MGAT4C: variants seen among roughly 807,000 people sequenced by gnomAD.
The protein encoded by MGAT4C is alpha-1,3-mannosyl-glycoprotein 4-beta-N-acetylglucosaminyltransferase C.
Under a neutral mutation model 40.1 loss-of-function variants are expected in MGAT4C, and 19 were observed. The observed-to-expected ratio is 0.47, with a 90% CI of 0.33 to 0.70. The LOEUF is 0.70. Ranked by LOEUF, MGAT4C falls within the 30% of genes least tolerant of loss-of-function variation. The pLI is 0.02. For missense variants in MGAT4C, 491 were observed against 563.2 expected (o/e 0.87, Z 1.30); for synonymous variants, 181 against 187.1 (o/e 0.97, Z 0.27).
intron 2 of MGAT4C, among the ~76,000 whole-genome samples, chr12:86,716,287 A>C (rs1950643994): frequency 6.6e-6 from 1 of 152,148 alleles, no homozygotes. Context: ...CATAAAAATT[A>C]AGAAATAAAC....
At chr12:86,005,967 A>T (rs978808730) in intron 2 of MGAT4C, among the ~76,000 whole-genome samples, 1 of 152,138 alleles carries the variant, frequency 6.6e-6, no homozygotes, top group Non-Finnish European at 1.5e-5. Flanking sequence ...CGATTATTCT[A>T]GCTTTTTTCC....
At chr12:86,826,990 A>G (rs1282165693) in intron 1 of MGAT4C, among the ~76,000 whole-genome samples, 1 of 151,524 alleles carries the variant, frequency 6.6e-6, no homozygotes, top group East Asian at 1.9e-4. Context: ...AACATAACAG[A>G]AATAACATGG....
chr12:86,259,178 A>AT (rs942531605), upstream of MGAT4C, among the ~76,000 whole-genome samples: 11 of 151,962 alleles, frequency 7.2e-5, no homozygotes, highest in South Asian at 2.1e-4. Flanking sequence ...AATTTATAAA[A>AT]TTTTTTTGTG....
At chr12:86,398,161 G>A (rs1314304281) in intron 3 of MGAT4C, among the ~76,000 whole-genome samples, 1 of 152,174 alleles carries the variant, frequency 6.6e-6, no homozygotes, top group African/African-American at 2.4e-5. Context: ...TGACAGTGCT[G>A]GAAGCCAGAA....
At chr12:86,513,109 C>T (rs1394151630) in intron 2 of MGAT4C, among the ~76,000 whole-genome samples, 1 of 151,940 alleles carries the variant, frequency 6.6e-6, no homozygotes, top group Admixed American at 6.6e-5. Flanking sequence ...ATGTATGTAT[C>T]CCCACAATTC....
chr12:86,282,001 G>A (rs1285375839), intron 4 of MGAT4C, among the ~76,000 whole-genome samples: 3 of 151,938 alleles, frequency 2.0e-5, no homozygotes, highest in Admixed American at 6.6e-5. Context: ...CCTTCTGCCT[G>A]CTTTAAAATT....
intron 1 of MGAT4C, among the ~76,000 whole-genome samples, chr12:86,813,039 G>A (rs920349283): frequency 6.6e-6 from 1 of 151,968 alleles, no homozygotes; most frequent in African/African-American, 2.4e-5. Flanking sequence ...TGTTTTGTGG[G>A]TATATGCAAG....
At chr12:86,765,170 A>C (rs1951481992) in intron 1 of MGAT4C, among the ~76,000 whole-genome samples, 1 of 152,344 alleles carries the variant, frequency 6.6e-6, no homozygotes, top group African/African-American at 2.4e-5. Context: ...GAAGTGCTTA[A>C]AGGAGCTGAT....
intron 1 of MGAT4C, among the ~76,000 whole-genome samples, chr12:86,774,343 C>CTTTCTTTCTTTCTTTCTTTTTCTT (rs1565981678): frequency 1.8e-5 from 1 of 54,502 alleles, no homozygotes; most frequent in Non-Finnish European, 4.4e-5. Flanking sequence ...TTCTTTCTGT[C>CTTTCTTTCTTTCTTTCTTTTTCTT]TCTCTCTCTC....
intron 1 of MGAT4C, among the ~76,000 whole-genome samples, chr12:86,234,659 T>G (rs1951456637): frequency 1.3e-5 from 2 of 152,120 alleles, no homozygotes; most frequent in African/African-American, 4.8e-5. Flanking sequence ...GGTTGTCCTC[T>G]CTACTTAATA....
intron 2 of MGAT4C, among the ~76,000 whole-genome samples, chr12:86,598,528 C>T (rs1257841852): frequency 6.6e-6 from 1 of 152,042 alleles, no homozygotes; most frequent in Non-Finnish European, 1.5e-5. Flanking sequence ...TTTAAAACTT[C>T]AAAGGAAAGC....
intron 1 of MGAT4C, among the ~76,000 whole-genome samples, chr12:86,110,596 G>T (rs976562855): frequency 2.7e-5 from 4 of 150,624 alleles, no homozygotes; most frequent in Non-Finnish European, 5.9e-5. Context: ...AACAAATAAC[G>T]GTTTCTAAAA....
At chr12:86,566,998 T>C (rs977074922) in intron 2 of MGAT4C, among the ~76,000 whole-genome samples, 3 of 152,090 alleles carry the variant, frequency 2.0e-5, no homozygotes, top group Non-Finnish European at 4.4e-5. Context: ...ATGTTCCCTA[T>C]CATCCTGAAG....
chr12:86,427,916 A>C (rs1956960405), intron 3 of MGAT4C, among the ~76,000 whole-genome samples: 1 of 152,052 alleles, frequency 6.6e-6, no homozygotes, highest in South Asian at 2.1e-4. Context: ...GCTACTCGGG[A>C]GGCTGAGGCA....
At chr12:86,567,647 CAG>C (rs1565854468) in intron 2 of MGAT4C, among the ~76,000 whole-genome samples, 2 of 152,102 alleles carry the variant, frequency 1.3e-5, no homozygotes, top group East Asian at 3.9e-4. Context: ...GTCACTCCAC[CAG>C]GTAAAAACCA....
chr12:86,325,275 T>C (rs540827370), intron 4 of MGAT4C, among the ~76,000 whole-genome samples: 7 of 152,162 alleles, frequency 4.6e-5, no homozygotes, highest in Non-Finnish European at 8.8e-5. Flanking sequence ...TGTATTGATA[T>C]TTTTCCAGAT....
chr12:86,723,376 T>C lies in MGAT4C; in HGVS notation c.-229+3833A>G, dbSNP rs371990767. Among the ~76,000 whole-genome samples, 470 of 152,220 alleles carry C rather than the reference T, an allele frequency of 3.1e-3. 3 individuals are homozygous for C. Among genetic ancestry groups the C allele is most frequent in the Middle Eastern group, 0.014 (4 of 292 alleles). On this transcript the variant is annotated intron_variant, in intron 2 of 7. Transcript: ENST00000548651. ...ACTGATTGGCTAAGAACATCAGAAA[T>C]TTATTGTCTCACAATTCTGGAGGCC...
chr12:86,729,400 T>C (rs1950874629), intron 1 of MGAT4C, among the ~76,000 whole-genome samples: 1 of 151,980 alleles, frequency 6.6e-6, no homozygotes, highest in African/African-American at 2.4e-5. Context: ...AAATAAACTT[T>C]TATAACTAAT....
chr12:86,527,665 T>C (rs538108079), intron 2 of MGAT4C, among the ~76,000 whole-genome samples: 37 of 152,358 alleles, frequency 2.4e-4, no homozygotes, highest in Admixed American at 1.9e-3. Flanking sequence ...TCCTCTTTTA[T>C]TTCTTTCATC....
Sources: gnomAD v4.1 joint callset for allele counts (sites outside exome capture counted in the v4.1 genomes callset) on GRCh38, gnomAD v4.1.1 for gene constraint, MANE v1.5 for transcripts, NCBI Gene and HGNC (gene_info 2026-07-23, HGNC 2026-07-21) for gene names.